The following PDE1A variants were observed in gnomAD, a reference collection of about 807,000 sequenced individuals.
PDE1A encodes the protein dual specificity calcium/calmodulin-dependent 3',5'-cyclic nucleotide phosphodiesterase 1A.
A neutral mutation model predicts 61.7 loss-of-function variants in PDE1A; 35 were observed. The ratio of observed to expected loss-of-function variants is 0.57; its 90% CI spans 0.43 to 0.75. The LOEUF (loss-of-function observed/expected upper bound fraction) is 0.75, where lower values mean the gene tolerates loss of function less well. Among genes scored for constraint, PDE1A ranks in the 30% least tolerant of loss-of-function variants. The pLI is 0.00. For missense variants in PDE1A, 597 were observed against 630.6 expected, an observed-to-expected ratio of 0.95 and a Z score of 0.57; for synonymous variants, 232 against 213.2, an observed-to-expected ratio of 1.09 and a Z score of -0.77.
intron 1 of PDE1A, among the ~76,000 whole-genome samples, chr2:182,326,759 C>A (rs1029343593): frequency 3.9e-5 from 6 of 152,110 alleles, no homozygotes; most frequent in Non-Finnish European, 8.8e-5. Context: ...ACTATCCCTG[C>A]AGTTACTTGG....
intron 2 of PDE1A, among the ~76,000 whole-genome samples, chr2:182,511,434 G>A (rs1689780175): frequency 6.6e-6 from 1 of 152,102 alleles, no homozygotes; most frequent in Admixed American, 6.5e-5. Flanking sequence ...GGTGGGGAGT[G>A]GCCCACTCTC....
chr2:182,586,072 A>T, the PDE1A span, among the ~76,000 whole-genome samples: 3 of 152,162 alleles, frequency 2.0e-5, no homozygotes, highest in Non-Finnish European at 4.4e-5. Context: ...CGCATTTCCC[A>T]TATTAGAAGC....
At chr2:182,324,767 C>T (rs778171491) in intron 1 of PDE1A, among the ~76,000 whole-genome samples, 60 of 152,150 alleles carry the variant, frequency 3.9e-4, no homozygotes, top group Non-Finnish European at 7.1e-4. Flanking sequence ...TCCCTTCCAT[C>T]CTCCATTCAC....
At chr2:182,553,521 T>C in the PDE1A span, among the ~76,000 whole-genome samples, 1 of 152,228 alleles carries the variant, frequency 6.6e-6, no homozygotes, top group Non-Finnish European at 1.5e-5. Flanking sequence ...TGAACCACCA[T>C]GCCTGGCATA....
At chr2:182,203,302 A>G (rs1686821157) in intron 8 of PDE1A, among the ~76,000 whole-genome samples, 1 of 151,428 alleles carries the variant, frequency 6.6e-6, no homozygotes, top group East Asian at 1.9e-4. Flanking sequence ...CCTGGGCTAC[A>G]GAGCAAGACT....
the PDE1A span, among the ~76,000 whole-genome samples, chr2:182,622,647 C>T: frequency 6.6e-6 from 1 of 152,118 alleles, no homozygotes; most frequent in South Asian, 2.1e-4. Flanking sequence ...CATCCTACAT[C>T]CAAGCTGCCG....
intron 2 of PDE1A, chr2:182,241,666 G>T: frequency 1.9e-6 from 1 of 526,714 alleles, no homozygotes. Context: ...ATTTTCCATG[G>T]TATTAAATAA....
intron 6 of PDE1A, among the ~76,000 whole-genome samples, chr2:182,229,283 T>C (rs753928592): frequency 1.1e-4 from 17 of 152,122 alleles, no homozygotes; most frequent in Non-Finnish European, 1.8e-4. Context: ...CACTTCACGA[T>C]TAAAGCAGGT....
the PDE1A span, among the ~76,000 whole-genome samples, chr2:182,598,550 G>A: frequency 5.4e-5 from 8 of 148,184 alleles, no homozygotes; most frequent in South Asian, 2.1e-4. Flanking sequence ...GTGATGGAGC[G>A]CAACTCTGTC....
At chr2:182,703,922 C>T in the PDE1A span, among the ~76,000 whole-genome samples, 216 of 151,958 alleles carry the variant, frequency 1.4e-3, no homozygotes, top group African/African-American at 4.9e-3. Flanking sequence ...CAGTTCTGGC[C>T]GGGCGTGATG....
chr2:182,400,450 A>G (rs540678540), intron 1 of PDE1A, among the ~76,000 whole-genome samples: 109 of 152,280 alleles, frequency 7.2e-4, no homozygotes, highest in African/African-American at 2.4e-3. Context: ...GCCTTCGTAT[A>G]TGGCCCCAGA....
chr2:182,201,573 G>A lies in PDE1A; in HGVS notation c.1005-14C>T. The A allele has an allele frequency of 6.2e-7, 1 of 1,605,446 alleles. No homozygotes were observed. The highest frequency in any genetic ancestry group is 8.5e-7 in the Non-Finnish European group (1 of 1,177,692). On this transcript the variant is annotated splice_polypyrimidine_tract_variant and intron_variant, in intron 9 of 13. Coordinates refer to ENST00000351439, the Ensembl canonical transcript of PDE1A. ...GCTCTGTCAATCCTGTCAAACCAAG[G>A]ACATGCTTATATTATTCAAAACAAA...
At chr2:182,320,226 A>G (rs1224992669) in intron 1 of PDE1A, among the ~76,000 whole-genome samples, 2 of 152,154 alleles carry the variant, frequency 1.3e-5, no homozygotes, top group African/African-American at 4.8e-5. Flanking sequence ...AGTTCCTTTT[A>G]TCCTGTGACC....
At chr2:182,152,807 TAAGAG>T (rs906421339) in intron 13 of PDE1A, among the ~76,000 whole-genome samples, 1 of 152,190 alleles carries the variant, frequency 6.6e-6, no homozygotes, top group African/African-American at 2.4e-5. Context: ...AAGGCAACAG[TAAGAG>T]AAGACAGGAC....
At chr2:182,308,538 A>G (rs983382878) in intron 1 of PDE1A, among the ~76,000 whole-genome samples, 9 of 152,170 alleles carry the variant, frequency 5.9e-5, no homozygotes, top group East Asian at 1.9e-4. Context: ...CTCCCCCTTC[A>G]TTTTTAACCA....
intron 2 of PDE1A, among the ~76,000 whole-genome samples, chr2:182,490,662 C>A (rs1396312163): frequency 6.6e-6 from 1 of 152,178 alleles, no homozygotes. Flanking sequence ...CGTGAGCCAC[C>A]ACGCCCAGCC....
the PDE1A span, among the ~76,000 whole-genome samples, chr2:182,537,157 T>A: frequency 6.6e-6 from 1 of 152,210 alleles, no homozygotes; most frequent in Non-Finnish European, 1.5e-5. Flanking sequence ...TGTAACTGCT[T>A]ACATAGCCAT....
At chr2:182,644,985 A>ATTTT in the PDE1A span, among the ~76,000 whole-genome samples, 2 of 128,130 alleles carry the variant, frequency 1.6e-5, no homozygotes, top group East Asian at 2.3e-4. Flanking sequence ...TGTCTTCTGT[A>ATTTT]TTTTTTTTTT....
intron 2 of PDE1A, among the ~76,000 whole-genome samples, chr2:182,247,108 C>T (rs761475838): frequency 1.3e-5 from 2 of 152,096 alleles, no homozygotes; most frequent in Non-Finnish European, 2.9e-5. Context: ...TGCTGCCAAT[C>T]ATCTCCTTCA....
Sources: allele counts gnomAD v4.1 joint callset (sites outside exome capture counted in the v4.1 genomes callset), GRCh38; gene constraint gnomAD v4.1.1; transcripts MANE v1.5; gene names NCBI Gene and HGNC (gene_info 2026-07-23, HGNC 2026-07-21).